Variants in CALN1 observed in about 807,000 individuals in gnomAD.
CALN1 encodes the protein calcium-binding protein 8.
A neutral mutation model predicts 30.6 loss-of-function variants in CALN1; 17 were observed. The observed-to-expected ratio is 0.56, with a 90% CI of 0.38 to 0.83. CALN1 has a LOEUF of 0.83. Among genes scored for constraint, CALN1 ranks in the 40% least tolerant of loss-of-function variants. CALN1 has a pLI of 0.00. For synonymous variants in CALN1, 156 were observed against 131.4 expected, an observed-to-expected ratio of 1.19 and a Z score of -1.28; for missense variants, 291 against 354.9, an observed-to-expected ratio of 0.82 and a Z score of 1.45.
intron 5 of CALN1, among the ~76,000 whole-genome samples, chr7:71,955,698 A>G (rs1796924646): frequency 6.6e-6 from 1 of 152,108 alleles, no homozygotes; most frequent in South Asian, 2.1e-4. Flanking sequence ...AGTTTTGAGC[A>G]TGCCCTGGCT....
intron 3 of CALN1, among the ~76,000 whole-genome samples, chr7:72,247,209 C>A (rs1795232186): frequency 7.5e-6 from 1 of 133,704 alleles, no homozygotes; most frequent in Non-Finnish European, 1.6e-5. Flanking sequence ...CAAGGGTTTT[C>A]AACAGACCAT....
chr7:72,409,691 T>A (rs1217585175), intron 1 of CALN1, among the ~76,000 whole-genome samples: 1 of 152,078 alleles, frequency 6.6e-6, no homozygotes, highest in Non-Finnish European at 1.5e-5. Context: ...TGAACCTGCA[T>A]TGTTTATGGG....
chr7:72,493,930 C>A, the CALN1 span, among the ~76,000 whole-genome samples: 78 of 152,156 alleles, frequency 5.1e-4, no homozygotes, highest in African/African-American at 1.9e-3. Context: ...AGCAATTATT[C>A]CCAAAATAAC....
chr7:71,819,206 T>A (rs1243017945), intron 5 of CALN1, among the ~76,000 whole-genome samples: 1 of 150,258 alleles, frequency 6.7e-6, no homozygotes, highest in Non-Finnish European at 1.5e-5. Flanking sequence ...TTTACTATTT[T>A]ATTCTTTTTT....
intron 5 of CALN1, among the ~76,000 whole-genome samples, chr7:71,971,961 G>GAAAGAAAA (rs1562946678): frequency 1.5e-5 from 1 of 67,858 alleles, no homozygotes; most frequent in African/African-American, 6.4e-5. Flanking sequence ...AAAAAAGAAA[G>GAAAGAAAA]AAAGAAAGAA....
At chr7:72,421,323 T>C (rs1036745823) in intron 1 of CALN1, among the ~76,000 whole-genome samples, 6 of 152,124 alleles carry the variant, frequency 3.9e-5, no homozygotes, top group African/African-American at 1.2e-4. Flanking sequence ...TGTTTTTCTA[T>C]CCTCACAGCT....
In CALN1 at chr7:72,271,575, A is replaced by AAAAATATATATATATATATATAT; in HGVS notation, c.244+7110_244+7111insATATATATATATATATATATTTT. On this transcript the variant is annotated intron_variant, in intron 3 of 6. Coordinates refer to ENST00000395275, the MANE Select transcript of CALN1 (RefSeq NM_031468.4). ...CTGTGCCTGCCTTTTAAAAAAAAAA[A>AAAAATATATATATATATATATAT]ATATATATATATATATATAGTTTTC... is the stretch of plus-strand genomic sequence containing the variant. 3.0e-3 allele frequency among the ~76,000 whole-genome samples: 157 copies of AAAAATATATATATATATATATAT among 52,090 alleles called. 2 individuals are homozygous for AAAAATATATATATATATATATAT. Among genetic ancestry groups the AAAAATATATATATATATATATAT allele is most frequent in the South Asian group, 6.9e-3 (6 of 866 alleles). The allele number at this position is 52,090 out of a possible 152,430, so 34.2% of individuals were successfully genotyped here. A position where few individuals can be genotyped will look rare whatever the true frequency, so the allele number is the denominator to read the frequency against.
intron 5 of CALN1, among the ~76,000 whole-genome samples, chr7:71,890,223 G>A (rs1793163163): frequency 6.6e-6 from 1 of 152,194 alleles, no homozygotes; most frequent in Non-Finnish European, 1.5e-5. Flanking sequence ...TCCCGCCTCA[G>A]CCTCCCAAAT....
rs139744865 is a variant in CALN1, at chr7:71,986,056, C to CTT, written c.501+37599_501+37600dup. Among the ~76,000 whole-genome samples the CTT allele has an allele frequency of 1.2e-4, 18 of 146,788 alleles. No individual in the cohort carries two copies. In the East Asian group the frequency reaches 1.6e-3, roughly 13 times the overall value. ...CGCATCAACATGGATAAATCTTTCT[C>CTT]TTTTTTTTTTGAGACAGAGTCTTGC... On this transcript the variant is annotated intron_variant, in intron 5 of 6. Coordinates refer to ENST00000395275, the MANE Select transcript of CALN1 (RefSeq NM_031468.4).
chr7:71,873,492 A>G (rs1352407625), intron 5 of CALN1, among the ~76,000 whole-genome samples: 1 of 152,254 alleles, frequency 6.6e-6, no homozygotes, highest in African/African-American at 2.4e-5. Context: ...ATTAAAACCC[A>G]GTGTTTTCCT....
chr7:72,180,935 TA>T (rs978129188), intron 3 of CALN1, among the ~76,000 whole-genome samples: 1 of 151,922 alleles, frequency 6.6e-6, no homozygotes, highest in Non-Finnish European at 1.5e-5. Context: ...CCATCTCTTC[TA>T]AAAATACAAA....
intron 5 of CALN1, among the ~76,000 whole-genome samples, chr7:71,892,436 A>C (rs4717617): frequency 0.11 from 17,054 of 152,108 alleles, 1,380 homozygotes; most frequent in East Asian, 0.43. Flanking sequence ...CAGGAGTTCG[A>C]GACCAGCCTT....
At chr7:72,495,767 G>GA in the CALN1 span, among the ~76,000 whole-genome samples, 3 of 152,226 alleles carry the variant, frequency 2.0e-5, no homozygotes, top group Non-Finnish European at 2.9e-5. Context: ...ATGTGAAGCT[G>GA]ATGGATAGAA....
chr7:72,016,854 T>A (rs1423009356), intron 5 of CALN1, among the ~76,000 whole-genome samples: 1 of 151,144 alleles, frequency 6.6e-6, no homozygotes, highest in African/African-American at 2.4e-5. Flanking sequence ...GAGACAGAGA[T>A]CAAGATTCCT....
chr7:71,926,620 C>T (rs1403938778), intron 5 of CALN1, among the ~76,000 whole-genome samples: 2 of 152,044 alleles, frequency 1.3e-5, no homozygotes, highest in Non-Finnish European at 2.9e-5. Context: ...TCTGGCATTC[C>T]AATTGTACAA....
In CALN1 at chr7:71,960,175, AAATAAAT is replaced by A. The variant is rs1562937491; in HGVS notation, c.501+63475_501+63481del. 6.4e-5 allele frequency among the ~76,000 whole-genome samples: 8 copies of A among 124,634 alleles called. No individual in the cohort carries two copies. The East Asian group carries it at 1.6e-3, about 25-fold the overall frequency. The allele number at this position is 124,634 out of a possible 152,430, so 81.8% of individuals were successfully genotyped here. ...TAAATAAATAAATAAATAAATAAAT[AAATAAAT>A]AAAATAAAATAAAAAAATAAAATAA... On this transcript the variant is annotated intron_variant, in intron 5 of 6. Coordinates refer to ENST00000395275, the MANE Select transcript of CALN1 (RefSeq NM_031468.4).
intron 5 of CALN1, among the ~76,000 whole-genome samples, chr7:71,915,747 C>T (rs1349029667): frequency 3.5e-5 from 4 of 115,522 alleles, no homozygotes; most frequent in African/African-American, 1.4e-4. Flanking sequence ...CAAAAACCAA[C>T]CAAACAAAAA....
At chr7:72,138,524 T>C (rs976144693) in intron 3 of CALN1, among the ~76,000 whole-genome samples, 2 of 148,858 alleles carry the variant, frequency 1.3e-5, no homozygotes, top group African/African-American at 2.5e-5. Context: ...CTACTTGTAT[T>C]AACCAATTCA....
At chr7:72,216,728 TC>T (rs1792842752) in intron 3 of CALN1, among the ~76,000 whole-genome samples, 1 of 152,100 alleles carries the variant, frequency 6.6e-6, no homozygotes, top group South Asian at 2.1e-4. Flanking sequence ...CTGAGCTCTT[TC>T]TCCAAAAGAG....
Sources: allele counts gnomAD v4.1 joint callset (sites outside exome capture counted in the v4.1 genomes callset), GRCh38; gene constraint gnomAD v4.1.1; transcripts MANE v1.5; gene names NCBI Gene and HGNC (gene_info 2026-07-23, HGNC 2026-07-21).